The following PIK3C2G variants were observed in gnomAD, a reference collection of about 807,000 sequenced individuals.
PIK3C2G encodes phosphatidylinositol-4-phosphate 3-kinase catalytic subunit type 2 gamma.
PIK3C2G carries 168 observed loss-of-function variants against 181.1 expected under a neutral mutation model. The observed-to-expected ratio is 0.93, with a 90% CI of 0.82 to 1.05. The LOEUF is 1.05. Ranked by LOEUF, PIK3C2G falls within the 50% of genes least tolerant of loss-of-function variation. PIK3C2G has a pLI of 0.00. For synonymous variants in PIK3C2G, 573 were observed against 592.2 expected, an observed-to-expected ratio of 0.97 and a Z score of 0.47; for missense variants, 1,869 against 1,732.8, an observed-to-expected ratio of 1.08 and a Z score of -1.40.
At chr12:18,403,090 G>A (rs1162953569) in intron 16 of PIK3C2G, among the ~76,000 whole-genome samples, 1 of 152,030 alleles carries the variant, frequency 6.6e-6, no homozygotes, top group African/African-American at 2.4e-5. Flanking sequence ...ATTTACATAT[G>A]AAATATCTTG....
intron 18 of PIK3C2G, among the ~76,000 whole-genome samples, chr12:18,474,430 A>G (rs557838543): frequency 1.3e-5 from 2 of 152,274 alleles, no homozygotes; most frequent in Admixed American, 1.3e-4. Flanking sequence ...CCATGTAAAA[A>G]CAGGAGACTT....
the PIK3C2G span, among the ~76,000 whole-genome samples, chr12:18,657,710 A>T: frequency 6.6e-6 from 1 of 152,212 alleles, no homozygotes; most frequent in Non-Finnish European, 1.5e-5. Context: ...CCCCCAAGGA[A>T]GAAAGTGAAT....
chr12:18,688,091 T>C, the PIK3C2G span: 4 of 1,600,924 alleles, frequency 2.5e-6, no homozygotes, highest in African/African-American at 1.3e-5. Context: ...GAGCTCACCA[T>C]TTTTTTTAAT....
At chr12:18,585,367 G>C (rs1034448241) in intron 29 of PIK3C2G, among the ~76,000 whole-genome samples, 2 of 133,762 alleles carry the variant, frequency 1.5e-5, no homozygotes, top group Non-Finnish European at 3.3e-5. Flanking sequence ...ATGGAAATCA[G>C]AAAAAAAAAG....
At chr12:18,676,558 G>T in the PIK3C2G span, among the ~76,000 whole-genome samples, 4 of 152,054 alleles carry the variant, frequency 2.6e-5, no homozygotes, top group African/African-American at 4.8e-5. Context: ...TCATTTTATA[G>T]TTAGGTGTCT....
At chr12:18,445,325 T>A (rs1484097625) in intron 18 of PIK3C2G, among the ~76,000 whole-genome samples, 5 of 152,078 alleles carry the variant, frequency 3.3e-5, no homozygotes, top group Non-Finnish European at 7.4e-5. Flanking sequence ...ATTAAAAATA[T>A]ATACTGTGTA....
intron 16 of PIK3C2G, among the ~76,000 whole-genome samples, chr12:18,417,138 G>C (rs982711414): frequency 6.6e-6 from 1 of 152,162 alleles, no homozygotes; most frequent in Non-Finnish European, 1.5e-5. Context: ...AGATGTGGTA[G>C]AACTTATAAG....
At chr12:18,330,410 T>C (rs1299259496) in intron 8 of PIK3C2G, among the ~76,000 whole-genome samples, 6 of 152,196 alleles carry the variant, frequency 3.9e-5, no homozygotes, top group African/African-American at 1.2e-4. Flanking sequence ...GAATCTCATA[T>C]ACAATATAAG....
intron 18 of PIK3C2G, among the ~76,000 whole-genome samples, chr12:18,474,755 T>G (rs1938807974): frequency 6.6e-6 from 1 of 152,138 alleles, no homozygotes; most frequent in Non-Finnish European, 1.5e-5. Flanking sequence ...TATAGAATCC[T>G]TCTAAAGATA....
intron 22 of PIK3C2G, among the ~76,000 whole-genome samples, chr12:18,498,630 T>G (rs146875567): frequency 0.014 from 2,119 of 152,020 alleles, 60 homozygotes; most frequent in African/African-American, 0.048. Context: ...AGAACTGTCA[T>G]GCCATGGATC....
At chr12:18,488,686 G>A in intron 19 of PIK3C2G, 57 bp downstream of exon 19, 1 of 1,072,592 alleles carries the variant, frequency 9.3e-7, no homozygotes, top group Non-Finnish European at 1.2e-6. Flanking sequence ...CTTAAATTAA[G>A]TTTTAATTTC....
chr12:18,430,306 T>C (rs1382347492), intron 18 of PIK3C2G, among the ~76,000 whole-genome samples: 1 of 152,098 alleles, frequency 6.6e-6, no homozygotes, highest in African/African-American at 2.4e-5. Context: ...AGAGAACCAA[T>C]TGGAATGAAA....
At chr12:18,385,419 T>A (rs1822553649) in intron 14 of PIK3C2G, among the ~76,000 whole-genome samples, 1 of 152,138 alleles carries the variant, frequency 6.6e-6, no homozygotes, top group Non-Finnish European at 1.5e-5. Context: ...ATACATAAGT[T>A]ACTGCTTGAC....
chr12:18,699,311 C>G, the PIK3C2G span, among the ~76,000 whole-genome samples: 1 of 152,190 alleles, frequency 6.6e-6, no homozygotes, highest in Non-Finnish European at 1.5e-5. Flanking sequence ...CCTGTCTCCA[C>G]TCTCACTGCC....
chr12:18,665,395 T>A, the PIK3C2G span, among the ~76,000 whole-genome samples: 1 of 152,180 alleles, frequency 6.6e-6, no homozygotes, highest in African/African-American at 2.4e-5. Flanking sequence ...ATATTATTTG[T>A]ATTTCACCAC....
the PIK3C2G span, among the ~76,000 whole-genome samples, chr12:18,668,694 C>G: frequency 1.3e-5 from 2 of 152,112 alleles, no homozygotes; most frequent in African/African-American, 4.8e-5. Context: ...ACCTCCAGCC[C>G]ATAAAGGAAA....
chr12:18,251,979 T>G (rs927788928), intron 1 of PIK3C2G, among the ~76,000 whole-genome samples: 5 of 152,154 alleles, frequency 3.3e-5, no homozygotes, highest in Admixed American at 2.0e-4. Flanking sequence ...ACACTTATTC[T>G]GTAAATACTT....
chr12:18,296,008 ACT>A (rs913698454), intron 5 of PIK3C2G, among the ~76,000 whole-genome samples: 3 of 152,102 alleles, frequency 2.0e-5, no homozygotes, highest in Non-Finnish European at 4.4e-5. Flanking sequence ...AAAAATTTAG[ACT>A]CTAAAACTTA....
chr12:18,701,251 C>G, the PIK3C2G span, among the ~76,000 whole-genome samples: 1 of 152,192 alleles, frequency 6.6e-6, no homozygotes, highest in Admixed American at 6.5e-5. Context: ...TCCCAAAGTG[C>G]TGGGATTACA....
Sources: gnomAD v4.1 joint callset for allele counts (sites outside exome capture counted in the v4.1 genomes callset) on GRCh38, gnomAD v4.1.1 for gene constraint, MANE v1.5 for transcripts, NCBI Gene and HGNC (gene_info 2026-07-23, HGNC 2026-07-21) for gene names.